Variants in DGKG observed in about 807,000 individuals in gnomAD.
The protein encoded by DGKG is diacylglycerol kinase gamma.
DGKG carries 78 observed loss-of-function variants against 105.3 expected under a neutral mutation model. That is an observed-to-expected ratio of 0.74 (90% CI 0.62 to 0.89). The LOEUF (loss-of-function observed/expected upper bound fraction) is 0.89, where lower values mean the gene tolerates loss of function less well. Ranked by LOEUF, DGKG falls within the 40% of genes least tolerant of loss-of-function variation. DGKG has a pLI of 0.00. For missense variants in DGKG, 958 were observed against 1,020.1 expected (o/e 0.94, Z 0.83); for synonymous variants, 346 against 367.1 (o/e 0.94, Z 0.66).
intron 1 of DGKG, among the ~76,000 whole-genome samples, chr3:186,337,416 CA>C (rs1259906567): frequency 6.6e-6 from 1 of 151,324 alleles, no homozygotes; most frequent in Non-Finnish European, 1.5e-5. Context: ...AAAAAACAAA[CA>C]AAAAAACAAA....
chr3:186,208,059 T>G (rs1718839116), intron 21 of DGKG, among the ~76,000 whole-genome samples: 1 of 152,172 alleles, frequency 6.6e-6, no homozygotes, highest in African/African-American at 2.4e-5. Flanking sequence ...TTCTTTTTTT[T>G]GAGACAGAGT....
chr3:186,312,887 T>C (rs1324820972), intron 2 of DGKG, among the ~76,000 whole-genome samples: 1 of 152,232 alleles, frequency 6.6e-6, no homozygotes. Context: ...CCCAGCTTCA[T>C]AAGCACGGAT....
chr3:186,360,913 A>G (rs576356123), intron 1 of DGKG, among the ~76,000 whole-genome samples: 62 of 152,318 alleles, frequency 4.1e-4, no homozygotes, highest in African/African-American at 1.2e-3. Context: ...CTCCCCACAG[A>G]GAGGTCATCG....
chr3:186,306,067 C>T (rs1481694887), intron 3 of DGKG, among the ~76,000 whole-genome samples: 2 of 152,082 alleles, frequency 1.3e-5, no homozygotes, highest in Non-Finnish European at 2.9e-5. Flanking sequence ...TGTTGTTGAG[C>T]AAAATTGCTA....
intron 17 of DGKG, among the ~76,000 whole-genome samples, chr3:186,254,502 CCTT>C (rs1721371087): frequency 2.6e-5 from 4 of 152,286 alleles, no homozygotes; most frequent in African/African-American, 9.6e-5. Context: ...TGTGTCTGCC[CCTT>C]CTTCTGTGTC....
intron 20 of DGKG, among the ~76,000 whole-genome samples, chr3:186,214,180 G>C (rs1719169925): frequency 1.3e-5 from 2 of 152,182 alleles, no homozygotes; most frequent in Non-Finnish European, 2.9e-5. Flanking sequence ...TCACGGTTAG[G>C]TCAGCATCGC....
At chr3:186,356,311 G>A (rs1433862695) in intron 1 of DGKG, among the ~76,000 whole-genome samples, 9 of 152,288 alleles carry the variant, frequency 5.9e-5, no homozygotes, top group East Asian at 5.8e-4. Context: ...AAATACACTG[G>A]ATGCTAGAAT....
At chr3:186,358,529 G>C (rs1727086243) in intron 1 of DGKG, among the ~76,000 whole-genome samples, 1 of 61,556 alleles carries the variant, frequency 1.6e-5, no homozygotes, top group South Asian at 5.3e-4. Context: ...TGTGTGTTTT[G>C]TATTGCCTAA....
chr3:186,299,843 T>TCTTTCTTTC (rs1424972244), intron 3 of DGKG, among the ~76,000 whole-genome samples: 8 of 130,168 alleles, frequency 6.1e-5, no homozygotes, highest in Non-Finnish European at 8.5e-5. Context: ...CTTTCTTTTT[T>TCTTTCTTTC]TTTTTTTTTG....
Position 186,307,435 on chromosome 3 carries a change from TTCAC to T in DGKG, c.68-462_68-459del, listed in dbSNP as rs374708277. Among the ~76,000 whole-genome samples, 1,298 of 152,330 alleles carry T rather than the reference TTCAC, an allele frequency of 8.5e-3. 17 individuals carry two copies. The highest frequency in any genetic ancestry group is 0.03 in the African/African-American group (1,229 of 41,558). On this transcript the variant is annotated intron_variant, in intron 2 of 24. Coordinates refer to ENST00000265022, the MANE Select transcript of DGKG (RefSeq NM_001346.3). ...GATGTTTCTTCTCTGTCTTGCAAAT[TTCAC>T]TCATTCTTCAAGATCCAGCTCAAAT...
At chr3:186,185,300 C>T (rs1452995259) in intron 22 of DGKG, among the ~76,000 whole-genome samples, 1 of 152,210 alleles carries the variant, frequency 6.6e-6, no homozygotes, top group Non-Finnish European at 1.5e-5. Context: ...AGCTGATGTC[C>T]TCATCTAAAG....
At chr3:186,319,660 G>A (rs1412012097) in intron 2 of DGKG, among the ~76,000 whole-genome samples, 1 of 152,154 alleles carries the variant, frequency 6.6e-6, no homozygotes, top group Non-Finnish European at 1.5e-5. Context: ...GCAGCGTGCA[G>A]TGGTCAGGTG....
chr3:186,337,445 T>A (rs1469655717), intron 1 of DGKG, among the ~76,000 whole-genome samples: 1 of 152,014 alleles, frequency 6.6e-6, no homozygotes, highest in Non-Finnish European at 1.5e-5. Flanking sequence ...TTTAAGCACA[T>A]CAGAAGGTAA....
rs1363054111 is a variant in DGKG, at chr3:186,226,365, A to C, written c.1827-14480T>G. ...TGGGGCCAGAGGGGGAAATGTGTAC[A>C]AGGCATGAACCAGAACGTCAGCTCA... On this transcript the variant is annotated intron_variant, in intron 20 of 24. Transcript: ENST00000265022. This position sits in a 1 kb window ranked among gnomAD's most constrained non-coding sequence, Gnocchi z 4.2. Among the ~76,000 whole-genome samples, 1 of 152,202 alleles carries C rather than the reference A, an allele frequency of 6.6e-6. No individual in the cohort carries two copies. The highest frequency in any genetic ancestry group is 2.4e-5 in the African/African-American group (1 of 41,450).
Position 186,149,578 on chromosome 3 carries a change from G to A in DGKG, c.*512C>T. On this transcript the variant is annotated 3_prime_UTR_variant, in exon 25 of 25. Coordinates refer to ENST00000265022, the MANE Select transcript of DGKG (RefSeq NM_001346.3). ...AACCAACGTGCGCCTGCTGAGCCCT[G>A]CCAAGGATTATGCTCTGAGAGCCGG... 1 of 985,698 alleles carries A rather than the reference G, an allele frequency of 1.0e-6. No individual in the cohort carries two copies. Among genetic ancestry groups the A allele is most frequent in the South Asian group, 4.7e-5 (1 of 21,298 alleles). The allele number at this position is 985,698 out of a possible 1,614,324, so 61.1% of individuals were successfully genotyped here. A position where few individuals can be genotyped will look rare whatever the true frequency, so the allele number is the denominator to read the frequency against.
intron 2 of DGKG, among the ~76,000 whole-genome samples, chr3:186,312,268 T>C (rs1208577193): frequency 6.6e-6 from 1 of 151,860 alleles, no homozygotes; most frequent in Non-Finnish European, 1.5e-5. Flanking sequence ...AGTGGAATTC[T>C]AAGGTACATG....
At chr3:186,296,803 T>G (rs1473663563) in intron 5 of DGKG, among the ~76,000 whole-genome samples, 2 of 152,230 alleles carry the variant, frequency 1.3e-5, no homozygotes, top group African/African-American at 4.8e-5. Context: ...ATGTGTAAAG[T>G]GGTGTGATTG....
At chr3:186,222,133 C>G (rs1012559150) in intron 20 of DGKG, among the ~76,000 whole-genome samples, 3 of 152,198 alleles carry the variant, frequency 2.0e-5, no homozygotes, top group Non-Finnish European at 2.9e-5. Flanking sequence ...GGGATGCAGG[C>G]TGGCTGATCC....
intron 1 of DGKG, among the ~76,000 whole-genome samples, chr3:186,353,606 C>T (rs1302519372): frequency 2.1e-5 from 3 of 145,090 alleles, no homozygotes; most frequent in African/African-American, 7.6e-5. Context: ...CACACACATA[C>T]ACATATATAT....
Sources: gnomAD v4.1 joint callset for allele counts (sites outside exome capture counted in the v4.1 genomes callset) on GRCh38, gnomAD v4.1.1 for gene constraint, Gnocchi (gnomAD v3.1) non-coding constraint, MANE v1.5 for transcripts, NCBI Gene and HGNC (gene_info 2026-07-23, HGNC 2026-07-21) for gene names.